PTPRN2: variants seen among roughly 807,000 people sequenced by gnomAD.
The protein encoded by PTPRN2 is protein tyrosine phosphatase receptor type N2.
A neutral mutation model predicts 118.8 loss-of-function variants in PTPRN2; 74 were observed. The ratio of observed to expected loss-of-function variants is 0.62; its 90% CI spans 0.52 to 0.76. The LOEUF is 0.76. PTPRN2 is among the 30% of genes least tolerant of loss of function. The pLI is 0.00. For synonymous variants in PTPRN2, 641 were observed against 608.0 expected (o/e 1.05, Z -0.80); for missense variants, 1,481 against 1,394.4 (o/e 1.06, Z -0.99).
chr7:157,652,234 C>T (rs776310550), intron 14 of PTPRN2, among the ~76,000 whole-genome samples: 5 of 152,228 alleles, frequency 3.3e-5, no homozygotes, highest in Admixed American at 2.0e-4. Context: ...AAGGCCCCGC[C>T]GGGCTCTGTT....
intron 7 of PTPRN2, among the ~76,000 whole-genome samples, chr7:158,137,962 C>T (rs1172204989): frequency 6.6e-6 from 1 of 152,186 alleles, no homozygotes; most frequent in Non-Finnish European, 1.5e-5. Flanking sequence ...TCTCACTCTG[C>T]TATTCAAATA....
At chr7:158,027,071 C>T (rs1465055948) in intron 11 of PTPRN2, among the ~76,000 whole-genome samples, 1 of 152,210 alleles carries the variant, frequency 6.6e-6, no homozygotes, top group East Asian at 1.9e-4. Flanking sequence ...CTCCGCTGAC[C>T]AGGCAGGTCC....
At chr7:158,569,298 C>T (rs1233397855) in intron 1 of PTPRN2, among the ~76,000 whole-genome samples, 1 of 151,470 alleles carries the variant, frequency 6.6e-6, no homozygotes, top group Non-Finnish European at 1.5e-5. Flanking sequence ...AGCGAACGCA[C>T]CGGCTTTGGG....
At chr7:158,491,780 G>A (rs1291156075) in intron 1 of PTPRN2, among the ~76,000 whole-genome samples, 8 of 152,162 alleles carry the variant, frequency 5.3e-5, no homozygotes, top group Non-Finnish European at 1.2e-4. Flanking sequence ...GTGAGCCACC[G>A]CGCCTGGCCA....
In PTPRN2 at chr7:158,358,586, G is replaced by C. The variant is rs572827866; in HGVS notation, c.164-41654C>G. ...CCAGCAGCTGAGGGGTGGAGAAACAGAACGTGGTCTATTTACACGACAGAA... is the reference window on the plus strand; with the variant it reads ...CCAGCAGCTGAGGGGTGGAGAAACACAACGTGGTCTATTTACACGACAGAA... On this transcript the variant is annotated intron_variant, in intron 2 of 22. Coordinates refer to ENST00000389418, the MANE Select transcript of PTPRN2 (RefSeq NM_002847.5). 5.9e-4 allele frequency among the ~76,000 whole-genome samples: 90 copies of C among 152,360 alleles called. 1 individual carries two copies. The South Asian group carries it at 0.018, about 31-fold the overall frequency.
intron 14 of PTPRN2, among the ~76,000 whole-genome samples, chr7:157,643,358 T>A (rs1804821028): frequency 1.3e-5 from 2 of 152,160 alleles, no homozygotes; most frequent in Admixed American, 1.3e-4. Flanking sequence ...ATCAGATTTT[T>A]AAAAAATAAA....
At chr7:157,668,516 A>G (rs1186928763) in intron 13 of PTPRN2, among the ~76,000 whole-genome samples, 1 of 152,188 alleles carries the variant, frequency 6.6e-6, no homozygotes, top group Non-Finnish European at 1.5e-5. Context: ...TAAACGTACA[A>G]AGCTGGGCAG....
chr7:158,415,729 A>T (rs923503862), intron 2 of PTPRN2, among the ~76,000 whole-genome samples: 1 of 152,198 alleles, frequency 6.6e-6, no homozygotes, highest in Non-Finnish European at 1.5e-5. Flanking sequence ...TCAATGAAGT[A>T]TGCAGGCCAC....
At chr7:158,449,743 C>T (rs1457178257) in intron 2 of PTPRN2, among the ~76,000 whole-genome samples, 2 of 152,218 alleles carry the variant, frequency 1.3e-5, no homozygotes, top group Non-Finnish European at 2.9e-5. Flanking sequence ...TGTCACACAT[C>T]AGTTTCCCGC....
chr7:158,046,184 C>G (rs930443046), intron 11 of PTPRN2, among the ~76,000 whole-genome samples: 3 of 150,682 alleles, frequency 2.0e-5, no homozygotes, highest in African/African-American at 7.3e-5. Context: ...GGAGCAGAAC[C>G]TATGATCCTG....
intron 1 of PTPRN2, among the ~76,000 whole-genome samples, chr7:158,490,094 G>A (rs1265736551): frequency 1.3e-5 from 2 of 152,198 alleles, no homozygotes; most frequent in African/African-American, 4.8e-5. Context: ...GCAGCAGCGG[G>A]GCCGGGGCCT....
At chr7:158,389,624 A>G (rs1019382814) in intron 2 of PTPRN2, among the ~76,000 whole-genome samples, 4 of 152,266 alleles carry the variant, frequency 2.6e-5, no homozygotes, top group Non-Finnish European at 4.4e-5. Flanking sequence ...TACATTTGCA[A>G]TAACGGCTGC....
chr7:157,963,924 A>G (rs1452279889), intron 11 of PTPRN2, among the ~76,000 whole-genome samples: 1 of 152,188 alleles, frequency 6.6e-6, no homozygotes. Flanking sequence ...GGCTGGTCTC[A>G]AACTCCTGGC....
chr7:158,408,653 A>G (rs1157732543), intron 2 of PTPRN2, among the ~76,000 whole-genome samples: 1 of 152,386 alleles, frequency 6.6e-6, no homozygotes, highest in South Asian at 2.1e-4. Context: ...GGTAAATTGC[A>G]TAATATAAAT....
intron 14 of PTPRN2, among the ~76,000 whole-genome samples, chr7:157,644,858 G>C (rs1804951001): frequency 6.6e-6 from 1 of 152,052 alleles, no homozygotes; most frequent in Non-Finnish European, 1.5e-5. Flanking sequence ...AGCACTGTCT[G>C]CTCTGAGCTA....
chr7:157,667,443 T>C (rs139666278), intron 13 of PTPRN2, among the ~76,000 whole-genome samples: 2,084 of 152,348 alleles, frequency 0.014, 26 homozygotes, highest in Non-Finnish European at 0.021. Flanking sequence ...CCCCTGCCAG[T>C]GCCCGCATCT....
chr7:157,899,155 G>C (rs1002743127), intron 11 of PTPRN2, among the ~76,000 whole-genome samples: 3 of 152,184 alleles, frequency 2.0e-5, no homozygotes, highest in African/African-American at 7.2e-5. Context: ...CTCCGTAGAA[G>C]GCAAAGCTGA....
chr7:157,972,853 C>T (rs1802445508), intron 11 of PTPRN2, among the ~76,000 whole-genome samples: 2 of 147,870 alleles, frequency 1.4e-5, no homozygotes, highest in African/African-American at 5.0e-5. Context: ...GCTTCAGAGA[C>T]CGCAGAAACT....
chr7:157,762,459 T>C (rs1472043916), intron 12 of PTPRN2, among the ~76,000 whole-genome samples: 2 of 151,456 alleles, frequency 1.3e-5, no homozygotes, highest in African/African-American at 2.4e-5. Flanking sequence ...ATGGATGAAA[T>C]TGGAAATCAT....
Sources: gnomAD v4.1 joint callset for allele counts (sites outside exome capture counted in the v4.1 genomes callset) on GRCh38, gnomAD v4.1.1 for gene constraint, MANE v1.5 for transcripts, NCBI Gene and HGNC (gene_info 2026-07-23, HGNC 2026-07-21) for gene names.